Variants in PCDH15 observed in about 807,000 individuals in gnomAD.
The protein encoded by PCDH15 is protocadherin-15.
PCDH15 carries 129 observed loss-of-function variants against 178.5 expected under a neutral mutation model. That is an observed-to-expected ratio of 0.72 (90% CI 0.63 to 0.84). PCDH15 has a LOEUF of 0.84. PCDH15 is among the 40% of genes least tolerant of loss of function. PCDH15 has a pLI of 0.00. For synonymous variants in PCDH15, 800 were observed against 732.0 expected (o/e 1.09, Z -1.50); for missense variants, 2,230 against 2,099.9 (o/e 1.06, Z -1.21).
intron 1 of PCDH15, among the ~76,000 whole-genome samples, chr10:54,788,018 G>T (rs1420469818): frequency 6.6e-6 from 1 of 151,800 alleles, no homozygotes; most frequent in Non-Finnish European, 1.5e-5. Flanking sequence ...AACAGAGTAA[G>T]AAAGAAGAGA....
Position 53,806,986 on chromosome 10 carries a change from C to CAATA in PCDH15, c.4812_4815dup (p.Ala1606TyrfsTer32). ...GTTCTCACCACAGAACCATTCTGTG[C>CAATA]AATATATATATTGCCGTTGATATTA... is the stretch of plus-strand genomic sequence containing the variant. On this transcript the variant is annotated frameshift_variant, in exon 38 of 38. Coordinates refer to ENST00000644397, the MANE Select transcript of PCDH15 (RefSeq NM_001384140.1). LOFTEE classifies it high-confidence loss of function. 1.2e-6 allele frequency: 2 copies of CAATA among 1,613,714 alleles called. No homozygotes were observed. The highest frequency in any genetic ancestry group is 1.7e-6 in the Non-Finnish European group (2 of 1,179,802).
chr10:55,090,487 A>T (rs2132035031), intron 2 of PCDH15, among the ~76,000 whole-genome samples: 1 of 152,162 alleles, frequency 6.6e-6, no homozygotes, highest in Admixed American at 6.6e-5. Flanking sequence ...CAGCAGGGTA[A>T]AATTGTTGTG....
chr10:55,559,354 C>T (rs1013336317), intron 2 of PCDH15, among the ~76,000 whole-genome samples: 2 of 151,794 alleles, frequency 1.3e-5, no homozygotes, highest in African/African-American at 2.4e-5. Context: ...TTAATATAAT[C>T]AAAATACAGT....
At position 54,979,840 on chromosome 10, in the gene PCDH15, T is replaced by C. The variant is rs552717894; in HGVS notation, c.-79-82340A>G. ...CGTGTAACATACAATATGTGTAACA[T>C]ATTGTAACATAAAAAGATTTTAAAT... On this transcript the variant is annotated intron_variant, in intron 2 of 5. Coordinates refer to the PCDH15 transcript ENST00000458638. 2.2e-4 allele frequency among the ~76,000 whole-genome samples: 33 copies of C among 152,232 alleles called. No homozygotes were observed. The East Asian group carries it at 6.2e-3, about 28-fold the overall frequency.
At chr10:55,410,037 T>G (rs547822164) in intron 2 of PCDH15, among the ~76,000 whole-genome samples, 1 of 152,278 alleles carries the variant, frequency 6.6e-6, no homozygotes, top group African/African-American at 2.4e-5. Context: ...TTTAAAGGGC[T>G]TAGCACAGCT....
chr10:53,817,414 A>C (rs751862721), intron 34 of PCDH15, among the ~76,000 whole-genome samples: 36 of 151,996 alleles, frequency 2.4e-4, no homozygotes, highest in Non-Finnish European at 8.8e-5. Flanking sequence ...AATCTTTAGG[A>C]TCTCAAGCTT....
intron 2 of PCDH15, among the ~76,000 whole-genome samples, chr10:55,149,999 C>T (rs574122169): frequency 6.9e-6 from 1 of 144,144 alleles, no homozygotes; most frequent in South Asian, 2.2e-4. Flanking sequence ...GGGAGGGAGA[C>T]AGAGACAGCG....
chr10:54,247,959 T>TATATATAC (rs1426355910), intron 8 of PCDH15, among the ~76,000 whole-genome samples: 37 of 138,002 alleles, frequency 2.7e-4, no homozygotes, highest in African/African-American at 1.1e-3. Context: ...TATATATATA[T>TATATATAC]ACACATACAG....
At chr10:54,482,207 G>T (rs1039379457) in intron 3 of PCDH15, among the ~76,000 whole-genome samples, 1 of 151,738 alleles carries the variant, frequency 6.6e-6, no homozygotes, top group Non-Finnish European at 1.5e-5. Flanking sequence ...AAAATGTTTG[G>T]AATTTTTGGT....
chr10:53,823,463 A>C (rs2132515393), intron 32 of PCDH15: 1 of 1,085,728 alleles, frequency 9.2e-7, no homozygotes, highest in South Asian at 1.3e-5. Context: ...ACTTAAAAAC[A>C]TCAAAGGCCA....
chr10:54,052,057 A>C (rs1246765057), intron 18 of PCDH15, among the ~76,000 whole-genome samples: 1 of 152,168 alleles, frequency 6.6e-6, no homozygotes, highest in Non-Finnish European at 1.5e-5. Flanking sequence ...TTTCAGAGGA[A>C]ATATGGAAAT....
Position 55,317,699 on chromosome 10 carries a change from G to A in PCDH15, c.-156+1900C>T, listed in dbSNP as rs147102882. Among the ~76,000 whole-genome samples, 792 of 150,606 alleles carry A rather than the reference G, an allele frequency of 5.3e-3. 13 individuals are homozygous for A. Among genetic ancestry groups the A allele is most frequent in the African/African-American group, 0.018 (748 of 40,794 alleles). ...ATACAGCAATAAGAAATATTTTAGT[G>A]CAAAACCCAGCTTAAAACAGAAAAA... On this transcript the variant is annotated intron_variant, in intron 1 of 5. Transcript: ENST00000458638.
intron 2 of PCDH15, among the ~76,000 whole-genome samples, chr10:55,069,881 T>G (rs573311200): frequency 5.7e-4 from 86 of 152,206 alleles, no homozygotes; most frequent in East Asian, 3.5e-3. Flanking sequence ...TGAACTAGTT[T>G]ACAGTCCCAC....
intron 3 of PCDH15, among the ~76,000 whole-genome samples, chr10:54,826,255 T>A (rs1237772948): frequency 6.6e-6 from 1 of 152,018 alleles, no homozygotes; most frequent in African/African-American, 2.4e-5. Flanking sequence ...CCAATCAGTC[T>A]GTAGGTCTGA....
Position 54,416,746 on chromosome 10 carries a change from T to C in PCDH15, c.158-37804A>G, listed in dbSNP as rs144271361. On this transcript the variant is annotated intron_variant, in intron 3 of 37. Transcript: ENST00000644397. ...AACTAATTTACATTCCTAGCAGCAG[T>C]GTAAAAGTGTGCCTATTTCTCTACA... Among the ~76,000 whole-genome samples the C allele has an allele frequency of 6.7e-3, 1,025 of 152,308 alleles. 6 individuals carry two copies. The highest frequency in any genetic ancestry group is 0.022 in the African/African-American group (929 of 41,584).
Position 54,782,200 on chromosome 10 carries a change from G to T in PCDH15, c.-29+18725C>A, listed in dbSNP as rs1041042854. 2.0e-5 allele frequency among the ~76,000 whole-genome samples: 3 copies of T among 152,022 alleles called. No individual in the cohort carries two copies. The South Asian group carries it at 6.2e-4, about 32-fold the overall frequency. The stretch of plus-strand genomic sequence containing the variant: ...GATACAGTGAAAAGGTAAATTTTGA[G>T]GATGCGATATGACTGCTTGATCTAG... On this transcript the variant is annotated intron_variant, in intron 1 of 37. Coordinates refer to ENST00000644397, the MANE Select transcript of PCDH15 (RefSeq NM_001384140.1).
chr10:54,849,156 A>G (rs1953566016), intron 3 of PCDH15, among the ~76,000 whole-genome samples: 1 of 152,140 alleles, frequency 6.6e-6, no homozygotes, highest in Non-Finnish European at 1.5e-5. Flanking sequence ...AATTTGTAGT[A>G]AAGCTTAGTA....
intron 3 of PCDH15, among the ~76,000 whole-genome samples, chr10:54,467,144 A>AT (rs780395110): frequency 2.6e-5 from 4 of 151,690 alleles, no homozygotes; most frequent in East Asian, 3.9e-4. Flanking sequence ...AATGCCTTTT[A>AT]TTTTTTTTAA....
chr10:54,376,646 A>C (rs1244957737), intron 4 of PCDH15, among the ~76,000 whole-genome samples: 3 of 151,752 alleles, frequency 2.0e-5, no homozygotes, highest in Non-Finnish European at 4.4e-5. Context: ...ATGTTAAAAC[A>C]ATAAAGTAAA....
Sources: gnomAD v4.1 joint callset for allele counts (sites outside exome capture counted in the v4.1 genomes callset) on GRCh38, gnomAD v4.1.1 for gene constraint, MANE v1.5 for transcripts, NCBI Gene and HGNC (gene_info 2026-07-23, HGNC 2026-07-21) for gene names.